The following IL33 variants were observed in gnomAD, a reference collection of about 807,000 sequenced individuals.
IL33 encodes interleukin 33, also known as interleukin-33.
Under a neutral mutation model 27.3 loss-of-function variants are expected in IL33, and 37 were observed. The ratio of observed to expected loss-of-function variants is 1.36; its 90% CI spans 1.04 to 1.78. IL33 has a LOEUF of 1.78. Among genes scored for constraint, IL33 ranks in the 40% most tolerant of loss-of-function variants. The pLI is 0.00. For synonymous variants in IL33, 132 were observed against 102.9 expected (o/e 1.28, Z -1.71); for missense variants, 406 against 311.4 (o/e 1.30, Z -2.29).
At chr9:6,248,019 CTCAG>C (rs1048005342) in intron 2 of IL33, among the ~76,000 whole-genome samples, 2 of 152,076 alleles carry the variant, frequency 1.3e-5, no homozygotes, top group Admixed American at 6.6e-5. Flanking sequence ...AGAGTCCACA[CTCAG>C]TATTAGGCAT....
chr9:6,246,326 G>A (rs1587654284), intron 2 of IL33, among the ~76,000 whole-genome samples: 1 of 152,214 alleles, frequency 6.6e-6, no homozygotes, highest in East Asian at 1.9e-4. Flanking sequence ...CACTTTGGGA[G>A]GCCAAGGTGG....
chr9:6,250,388 G>A, intron 2 of IL33, 86 bp from the exon 3 acceptor site: 1 of 1,441,606 alleles, frequency 6.9e-7, no homozygotes, highest in Non-Finnish European at 9.5e-7. Flanking sequence ...ACCTGTACTT[G>A]CTTTCTTGGT....
At chr9:6,235,347 A>T (rs1171460152) in intron 1 of IL33, among the ~76,000 whole-genome samples, 3 of 152,174 alleles carry the variant, frequency 2.0e-5, no homozygotes, top group Non-Finnish European at 4.4e-5. Flanking sequence ...CCCAGCCCTG[A>T]CTTATTCTTT....
chr9:6,254,927 A>G (rs1816642181), intron 7 of IL33, among the ~76,000 whole-genome samples: 1 of 152,120 alleles, frequency 6.6e-6, no homozygotes. Flanking sequence ...AATGATCTCA[A>G]ATCCTTTCTG....
intron 2 of IL33, among the ~76,000 whole-genome samples, chr9:6,246,442 G>A (rs952079849): frequency 2.0e-5 from 3 of 152,028 alleles, no homozygotes; most frequent in African/African-American, 7.2e-5. Flanking sequence ...CACGCCTGTA[G>A]TCCCAGCTAC....
intron 2 of IL33, among the ~76,000 whole-genome samples, chr9:6,246,882 A>C (rs1819889546): frequency 6.6e-6 from 1 of 152,196 alleles, no homozygotes; most frequent in Admixed American, 6.5e-5. Context: ...CACCCAGTCC[A>C]TGGTATTTTG....
intron 1 of IL33, among the ~76,000 whole-genome samples, chr9:6,217,820 G>T (rs1177173549): frequency 6.6e-6 from 1 of 152,018 alleles, no homozygotes. Context: ...AAATCCAAAA[G>T]TATGTCCTGT....
In IL33 at chr9:6,251,265, G is replaced by T; in HGVS notation, c.343G>T (p.Gly115Ter). ...AGCACTTCATGATTCAAGTATCACA[G>T]GTATGACTGGTTACAGGGGTGATGT... ...TRALHDSSITGISPITEYLAS... is the reference protein window; with the variant it reads ...TRALHDSSIT Residue 115 changes from glycine (G) to a stop codon, truncating the protein, a stop_gained and splice_region_variant, in exon 4 of 8, where the codon GGA becomes TGA. Transcript: ENST00000682010. LOFTEE classifies it high-confidence loss of function. The T allele has an allele frequency of 4.3e-6, 7 of 1,613,064 alleles. No individual in the cohort carries two copies. The highest frequency in any genetic ancestry group is 5.9e-6 in the Non-Finnish European group (7 of 1,179,284).
rs528396794 is a variant in IL33, at chr9:6,254,439, A to G, written c.521-23A>G. On this transcript the variant is annotated intron_variant, in intron 6 of 7. Coordinates refer to ENST00000682010, the MANE Select transcript of IL33 (RefSeq NM_033439.4). ...ATGAGTTACAGTTCTTAACTTTATC[A>G]TTTATACTTTCTTAATTGTAAGGTG... The G allele has an allele frequency of 4.1e-6, 6 of 1,476,110 alleles. No individual in the cohort carries two copies. In the East Asian group the frequency reaches 6.9e-5, roughly 17 times the overall value. The allele number at this position is 1,476,110 out of a possible 1,614,324, so 91.4% of individuals were successfully genotyped here. A position where few individuals can be genotyped will look rare whatever the true frequency, so the allele number is the denominator to read the frequency against.
chr9:6,252,803 G>A, intron 4 of IL33, 63 bp from the exon 5 acceptor site: 2 of 1,582,432 alleles, frequency 1.3e-6, no homozygotes, highest in South Asian at 1.2e-5. Context: ...TTTTGAGGGA[G>A]CATTTTTTAA....
intron 2 of IL33, among the ~76,000 whole-genome samples, chr9:6,244,677 C>T (rs923631811): frequency 6.6e-6 from 1 of 152,156 alleles, no homozygotes; most frequent in African/African-American, 2.4e-5. Context: ...ATTATTTAAA[C>T]AATCCTGGTG....
At chr9:6,227,985 G>T (rs1382148632) in intron 1 of IL33, among the ~76,000 whole-genome samples, 1 of 152,030 alleles carries the variant, frequency 6.6e-6, no homozygotes, top group Non-Finnish European at 1.5e-5. Context: ...CAGCTATGAG[G>T]CCTTGGGCAT....
chr9:6,234,787 C>T (rs1819102176), intron 1 of IL33, among the ~76,000 whole-genome samples: 1 of 152,148 alleles, frequency 6.6e-6, no homozygotes, highest in Admixed American at 6.5e-5. Flanking sequence ...TCAGATGGTG[C>T]TTCACACAGA....
At chr9:6,222,701 A>G (rs1381988256) in intron 1 of IL33, among the ~76,000 whole-genome samples, 1 of 152,328 alleles carries the variant, frequency 6.6e-6, no homozygotes, top group African/African-American at 2.4e-5. Flanking sequence ...TCCCCTTTAT[A>G]CTAGCCAACT....
intron 1 of IL33, among the ~76,000 whole-genome samples, chr9:6,240,141 A>C (rs1044741031): frequency 6.6e-6 from 1 of 152,214 alleles, no homozygotes; most frequent in African/African-American, 2.4e-5. Context: ...AAATAGTTGA[A>C]GAGATTTATT....
At position 6,253,543 on chromosome 9, in the gene IL33, C is replaced by G. The variant is rs767341613; in HGVS notation, c.470-9C>G. ...TCTCACCAGAGGGATTTTATGCATT[C>G]TCTTTCAGATAAGGTGTTACTGAGT... is the stretch of plus-strand genomic sequence containing the variant. On this transcript the variant is annotated splice_polypyrimidine_tract_variant and intron_variant, in intron 5 of 7. Transcript: ENST00000682010. 158 of 1,594,422 alleles carry G rather than the reference C, an allele frequency of 9.9e-5. No homozygotes were observed. Among genetic ancestry groups the G allele is most frequent in the Non-Finnish European group, 1.3e-4 (151 of 1,167,850 alleles).
Position 6,250,499 on chromosome 9 carries a change from T to A in IL33, c.117T>A (p.Val39=). Residue 39 remains valine (V), a synonymous_variant, in exon 3 of 8, where the codon GTT becomes GTA. Transcript: ENST00000682010. ...AATCCCAACAGAAGGCCAAAGAAGTTTGCCCCATGTACTTTATGAAGCTCC... is the reference window on the plus strand; with the variant it reads ...AATCCCAACAGAAGGCCAAAGAAGTATGCCCCATGTACTTTATGAAGCTCC... ...LGKSQQKAKE[V]CPMYFMKLRS... 6.2e-7 allele frequency: 1 copy of A among 1,613,834 alleles called. No individual in the cohort carries two copies. The highest frequency in any genetic ancestry group is 8.5e-7 in the Non-Finnish European group (1 of 1,179,856).
At chr9:6,237,493 GCCAATA>G (rs1185337410) in intron 1 of IL33, among the ~76,000 whole-genome samples, 2 of 152,138 alleles carry the variant, frequency 1.3e-5, no homozygotes, top group Non-Finnish European at 2.9e-5. Context: ...AATTATACAA[GCCAATA>G]CTGGTTTACA....
intron 1 of IL33, among the ~76,000 whole-genome samples, chr9:6,216,566 C>T (rs1278179197): frequency 6.6e-6 from 1 of 151,966 alleles, no homozygotes; most frequent in Non-Finnish European, 1.5e-5. Flanking sequence ...GAAACCCTGT[C>T]TCTACTAAAA....
Sources: gnomAD v4.1 joint callset for allele counts (sites outside exome capture counted in the v4.1 genomes callset) on GRCh38, gnomAD v4.1.1 for gene constraint, MANE v1.5 for transcripts, NCBI Gene and HGNC (gene_info 2026-07-23, HGNC 2026-07-21) for gene names.